ZNF385D: variants seen among roughly 807,000 people sequenced by gnomAD.
ZNF385D encodes zinc finger protein 385D.
A neutral mutation model predicts 35.8 loss-of-function variants in ZNF385D; 15 were observed. The observed-to-expected ratio is 0.42, with a 90% CI of 0.28 to 0.64. ZNF385D has a LOEUF of 0.64. Ranked by LOEUF, ZNF385D falls within the 30% of genes least tolerant of loss-of-function variation. ZNF385D has a pLI of 0.23. For synonymous variants in ZNF385D, 212 were observed against 186.8 expected, an observed-to-expected ratio of 1.13 and a Z score of -1.10; for missense variants, 474 against 494.6, an observed-to-expected ratio of 0.96 and a Z score of 0.39.
intron 2 of ZNF385D, among the ~76,000 whole-genome samples, chr3:22,321,513 C>T (rs1459614380): frequency 6.6e-6 from 1 of 151,692 alleles, no homozygotes; most frequent in African/African-American, 2.4e-5. Context: ...CTACAGGGGC[C>T]CGCCACCACG....
rs544511119 is a variant in ZNF385D, at chr3:21,638,196, T to G, written c.165+26690A>C. ...TACAAATAACTCACAAAAATTAGTA[T>G]GCAATATACAGTTGAGACAGAATTC... On this transcript the variant is annotated intron_variant, in intron 2 of 7. Coordinates refer to ENST00000281523, the MANE Select transcript of ZNF385D (RefSeq NM_024697.3). Among the ~76,000 whole-genome samples, 3 of 152,194 alleles carry G rather than the reference T, an allele frequency of 2.0e-5. No homozygotes were observed. In the East Asian group the frequency reaches 5.8e-4, roughly 30 times the overall value.
At position 22,111,817 on chromosome 3, in the gene ZNF385D, C is replaced by G. The variant is rs1406694870; in HGVS notation, c.325+57000G>C. Among the ~76,000 whole-genome samples the G allele has an allele frequency of 4.6e-5, 7 of 152,240 alleles. No individual in the cohort carries two copies. In the East Asian group the frequency reaches 9.6e-4, roughly 21 times the overall value. ...AAACCCTGAACAGTGAAACATAGAG[C>G]TAACTCACTGTTCTATTGGTTTTAT... On this transcript the variant is annotated intron_variant, in intron 3 of 5. Transcript: ENST00000494108.
At chr3:22,334,036 G>C (rs1244984181) in intron 2 of ZNF385D, among the ~76,000 whole-genome samples, 2 of 152,090 alleles carry the variant, frequency 1.3e-5, no homozygotes, top group Admixed American at 6.5e-5. Flanking sequence ...ATCTTACCTA[G>C]ACTAGAAACT....
chr3:21,688,182 A>G (rs906280554), intron 1 of ZNF385D, among the ~76,000 whole-genome samples: 3 of 152,114 alleles, frequency 2.0e-5, no homozygotes, highest in African/African-American at 7.2e-5. Context: ...GGGAACAAAC[A>G]CATTAGTTTG....
intron 2 of ZNF385D, among the ~76,000 whole-genome samples, chr3:22,268,253 T>A (rs139891195): frequency 6.6e-5 from 10 of 152,106 alleles, no homozygotes; most frequent in African/African-American, 2.2e-4. Flanking sequence ...AAATCAGCCA[T>A]GTTCTTTGAA....
chr3:21,861,429 C>T (rs1697048951), intron 3 of ZNF385D, among the ~76,000 whole-genome samples: 1 of 152,108 alleles, frequency 6.6e-6, no homozygotes. Flanking sequence ...GAAGACATTT[C>T]TAATGTGACC....
chr3:21,779,218 A>T lies in ZNF385D; in HGVS notation c.326-114190T>A, dbSNP rs574660300. 7.9e-5 allele frequency among the ~76,000 whole-genome samples: 12 copies of T among 152,092 alleles called. No individual in the cohort carries two copies. The South Asian group carries it at 2.5e-3, about 31-fold the overall frequency. ...CATTAAGACCACTGGGCATTTCAGGATATAAACCTGCCAAATGCAATATAC... is the reference window on the plus strand; with the variant it reads ...CATTAAGACCACTGGGCATTTCAGGTTATAAACCTGCCAAATGCAATATAC... On this transcript the variant is annotated intron_variant, in intron 3 of 5. Coordinates refer to the ZNF385D transcript ENST00000494108.
rs148190703 is a variant in ZNF385D at position 21,640,184 on chromosome 3, C to CCT, written c.165+24700_165+24701dup. On this transcript the variant is annotated intron_variant, in intron 2 of 7. Coordinates refer to ENST00000281523, the MANE Select transcript of ZNF385D (RefSeq NM_024697.3). ...AGAGCTTCACAGATCTAGAACTGGT[C>CCT]CTCTCAAGCTTTCTAATTCACATGT... Among the ~76,000 whole-genome samples, 1,260 of 152,138 alleles carry CCT rather than the reference C, an allele frequency of 8.3e-3. 12 individuals carry two copies. The highest frequency in any genetic ancestry group is 0.029 in the African/African-American group (1,192 of 41,538).
chr3:21,910,026 T>A (rs2125911786), intron 3 of ZNF385D, among the ~76,000 whole-genome samples: 1 of 152,074 alleles, frequency 6.6e-6, no homozygotes, highest in Non-Finnish European at 1.5e-5. Context: ...CTATTTAGCT[T>A]ACTGCTACAT....
chr3:22,262,282 G>A (rs1357485591), intron 2 of ZNF385D, among the ~76,000 whole-genome samples: 5 of 151,844 alleles, frequency 3.3e-5, no homozygotes, highest in Non-Finnish European at 5.9e-5. Context: ...GGGGTCTAAA[G>A]TCATGAGAAC....
At chr3:22,096,087 A>G (rs1701604848) in intron 3 of ZNF385D, among the ~76,000 whole-genome samples, 1 of 151,958 alleles carries the variant, frequency 6.6e-6, no homozygotes, top group Non-Finnish European at 1.5e-5. Context: ...CATGAGATGA[A>G]GACTAAATTG....
chr3:21,501,103 C>A (rs1032750368), intron 4 of ZNF385D, among the ~76,000 whole-genome samples: 6 of 152,222 alleles, frequency 3.9e-5, no homozygotes, highest in African/African-American at 1.4e-4. Flanking sequence ...TTAAACCAAT[C>A]CCACAAGCCC....
intron 2 of ZNF385D, among the ~76,000 whole-genome samples, chr3:22,351,929 G>T (rs1053191675): frequency 1.3e-5 from 2 of 152,158 alleles, no homozygotes; most frequent in African/African-American, 4.8e-5. Context: ...AGAACTGCTT[G>T]TGTACTTACT....
At chr3:21,873,016 G>C (rs545304453) in intron 3 of ZNF385D, among the ~76,000 whole-genome samples, 4 of 152,064 alleles carry the variant, frequency 2.6e-5, no homozygotes, top group Non-Finnish European at 4.4e-5. Context: ...CACATACCCA[G>C]ATCAAGTCAA....
chr3:21,471,531 G>A (rs565653385), intron 4 of ZNF385D, among the ~76,000 whole-genome samples: 2 of 152,144 alleles, frequency 1.3e-5, no homozygotes, highest in East Asian at 3.9e-4. Context: ...TCAACAAAAT[G>A]TCAGCCTACA....
intron 3 of ZNF385D, among the ~76,000 whole-genome samples, chr3:22,106,321 A>G (rs1164255788): frequency 6.6e-6 from 1 of 152,116 alleles, no homozygotes; most frequent in Non-Finnish European, 1.5e-5. Context: ...AAGGACAATT[A>G]CTGCTTACAT....
intron 2 of ZNF385D, among the ~76,000 whole-genome samples, chr3:22,185,375 C>G (rs1238839826): frequency 6.6e-6 from 1 of 152,162 alleles, no homozygotes; most frequent in African/African-American, 2.4e-5. Context: ...GCAAGCTAAA[C>G]TACAATTTTA....
chr3:22,024,648 G>C (rs1297199429), intron 3 of ZNF385D, among the ~76,000 whole-genome samples: 3 of 152,050 alleles, frequency 2.0e-5, no homozygotes, highest in Non-Finnish European at 2.9e-5. Context: ...ATAGTGCTTG[G>C]CATGAACTGT....
chr3:21,801,432 C>T (rs1250724335), intron 3 of ZNF385D, among the ~76,000 whole-genome samples: 1 of 152,160 alleles, frequency 6.6e-6, no homozygotes, highest in Non-Finnish European at 1.5e-5. Flanking sequence ...TAAAATTCAT[C>T]AGTGAAAACA....
Sources: gnomAD v4.1 joint callset for allele counts (sites outside exome capture counted in the v4.1 genomes callset) on GRCh38, gnomAD v4.1.1 for gene constraint, MANE v1.5 for transcripts, NCBI Gene and HGNC (gene_info 2026-07-23, HGNC 2026-07-21) for gene names.